Variants in DMD observed in about 807,000 individuals in gnomAD.
DMD encodes dystrophin, also known as mutant dystrophin.
In DMD, 63 loss-of-function variants were observed where a neutral mutation model predicts 330.1. That is an observed-to-expected ratio of 0.19 (90% CI 0.16 to 0.24). The LOEUF (loss-of-function observed/expected upper bound fraction) is 0.24, where lower values mean the gene tolerates loss of function less well. Among genes scored for constraint, DMD ranks in the 10% least tolerant of loss-of-function variants. The pLI is 1.00. For synonymous variants in DMD, 1,223 were observed against 959.8 expected, an observed-to-expected ratio of 1.27 and a Z score of -5.07; for missense variants, 3,344 against 2,684.1, an observed-to-expected ratio of 1.25 and a Z score of -5.43.
intron 1 of DMD, among the ~76,000 whole-genome samples, chrX:33,168,709 C>T (rs867342595): frequency 1.7e-4 from 19 of 110,101 alleles, no homozygotes; most frequent in Middle Eastern, 4.7e-3. Flanking sequence ...CAATGTAGTA[C>T]TCTGAGATCA....
At chrX:33,308,722 C>T (rs2053801612) in intron 1 of DMD, among the ~76,000 whole-genome samples, 1 of 111,200 alleles carries the variant, frequency 9.0e-6, no homozygotes, top group South Asian at 3.8e-4. Flanking sequence ...TAAAATTACT[C>T]CATTGAATGC....
At chrX:33,217,125 C>T (rs1297964353) in intron 1 of DMD, among the ~76,000 whole-genome samples, 1 of 110,817 alleles carries the variant, frequency 9.0e-6, no homozygotes. Context: ...TTCCTTTTTC[C>T]ACAGTGATCC....
At chrX:33,236,350 A>G (rs768772922) in intron 1 of DMD, among the ~76,000 whole-genome samples, 56 of 104,415 alleles carry the variant, frequency 5.4e-4, no homozygotes, top group African/African-American at 1.8e-3. Flanking sequence ...CTGCAACCTC[A>G]GCCTTCCAGG....
At chrX:32,052,524 T>A (rs1406501836) in intron 44 of DMD, among the ~76,000 whole-genome samples, 1 of 111,263 alleles carries the variant, frequency 9.0e-6, no homozygotes, top group Non-Finnish European at 1.9e-5. Context: ...TCTCATTGTA[T>A]GTTCAGAATA....
chrX:33,010,611 G>T (rs2093684098), intron 2 of DMD, among the ~76,000 whole-genome samples: 2 of 110,885 alleles, frequency 1.8e-5, no homozygotes, highest in African/African-American at 3.3e-5. Flanking sequence ...CAAACGTTTT[G>T]GACGAAGAAT....
At chrX:31,427,751 G>T (rs967861219) in intron 60 of DMD, among the ~76,000 whole-genome samples, 3 of 111,313 alleles carry the variant, frequency 2.7e-5, no homozygotes, top group Non-Finnish European at 5.6e-5. Context: ...GGTGGGATGG[G>T]CAATGTATCT....
intron 45 of DMD, among the ~76,000 whole-genome samples, chrX:31,944,813 A>C (rs1405756054): frequency 9.0e-6 from 1 of 110,859 alleles, no homozygotes; most frequent in African/African-American, 3.3e-5. Flanking sequence ...TGGCCAAGAT[A>C]ATTTTTTTTG....
chrX:31,169,020 G>A (rs1301759760), intron 74 of DMD, among the ~76,000 whole-genome samples: 1 of 111,470 alleles, frequency 9.0e-6, no homozygotes, highest in Non-Finnish European at 1.9e-5. Flanking sequence ...TGAAACAATT[G>A]GTTTCCCAAT....
At chrX:32,200,016 G>A (rs1437309332) in intron 44 of DMD, among the ~76,000 whole-genome samples, 1 of 110,611 alleles carries the variant, frequency 9.0e-6, no homozygotes, top group Non-Finnish European at 1.9e-5. Context: ...AGATTATATT[G>A]TTACTTTTGA....
At chrX:33,203,028 C>A (rs938601172) in intron 1 of DMD, among the ~76,000 whole-genome samples, 3 of 111,571 alleles carry the variant, frequency 2.7e-5, no homozygotes, top group African/African-American at 9.8e-5. Context: ...TACTCAAATG[C>A]CTTCTATCTC....
rs147328073 is a variant in DMD at position 31,144,095 on chromosome X, C to T, written c.10921+2196G>A. Among the ~76,000 whole-genome samples the T allele has an allele frequency of 4.5e-3, 505 of 111,595 alleles. 3 individuals carry two copies. The highest frequency in any genetic ancestry group is 7.4e-3 in the Non-Finnish European group (392 of 53,021). ...ACCTCAAACATATCCTTTTCCTTCTCAAAAAAATCAAAACCTGGCTTTCCT... is the reference window on the plus strand; with the variant it reads ...ACCTCAAACATATCCTTTTCCTTCTTAAAAAAATCAAAACCTGGCTTTCCT... On this transcript the variant is annotated intron_variant, in intron 76 of 78. Coordinates refer to ENST00000357033, the MANE Select transcript of DMD (RefSeq NM_004006.3).
At chrX:32,260,574 T>A (rs1362677255) in intron 43 of DMD, among the ~76,000 whole-genome samples, 1 of 111,659 alleles carries the variant, frequency 9.0e-6, no homozygotes, top group Non-Finnish European at 1.9e-5. Context: ...TTTAGAAATT[T>A]GAATCTAGAA....
chrX:31,408,961 G>A (rs1361178921), intron 60 of DMD, among the ~76,000 whole-genome samples: 3 of 110,226 alleles, frequency 2.7e-5, no homozygotes, highest in Non-Finnish European at 5.7e-5. Flanking sequence ...ACATTCCCCG[G>A]TGTGTGATGT....
chrX:32,643,103 G>A (rs982294884), intron 11 of DMD, among the ~76,000 whole-genome samples: 3 of 110,877 alleles, frequency 2.7e-5, no homozygotes, highest in South Asian at 7.7e-4. Flanking sequence ...CACATCTAGG[G>A]GTAGTGACAA....
intron 43 of DMD, among the ~76,000 whole-genome samples, chrX:32,229,681 CATATATATATAT>C (rs55916475): frequency 0.014 from 346 of 24,337 alleles, 3 homozygotes; most frequent in Admixed American, 0.03. Context: ...AGAGTTTCAT[CATATATATATAT>C]ATATATATAT....
intron 43 of DMD, among the ~76,000 whole-genome samples, chrX:32,221,348 G>A (rs1054268625): frequency 1.2e-4 from 2 of 16,746 alleles, no homozygotes; most frequent in South Asian, 2.4e-3. Flanking sequence ...AACTGTATGT[G>A]CGAATAAATA....
chrX:31,164,693 G>A (rs183311055), intron 74 of DMD, among the ~76,000 whole-genome samples: 12 of 110,715 alleles, frequency 1.1e-4, no homozygotes, highest in African/African-American at 3.6e-4. Context: ...TTCCAGCATC[G>A]CTCTTTTCAA....
In DMD at chrX:32,844,839, T is replaced by C. The variant is rs2080510348; in HGVS notation, c.208A>G (p.Arg70Gly). Residue 70 changes from arginine (R) to glycine (G), a missense_variant, in exon 4 of 79, where the codon AGA becomes GGA. Arg to Gly is a moderately radical substitution (Grantham distance 125, BLOSUM62 -2). Coordinates refer to ENST00000357033, the MANE Select transcript of DMD (RefSeq NM_004006.3). ...TTGACATTGTTCAGGGCATGAACTC[T>C]TGTGGATCCTTTTTCTTTTGGCTGA... ...QKLPKEKGST[R>G]VHALNNVNKA... 1 of 1,209,811 alleles carries C rather than the reference T, an allele frequency of 8.3e-7. No individual in the cohort carries two copies.
intron 41 of DMD, among the ~76,000 whole-genome samples, chrX:32,334,461 C>G (rs2097695611): frequency 9.0e-6 from 1 of 111,654 alleles, no homozygotes; most frequent in South Asian, 3.7e-4. Context: ...TATATTTCCC[C>G]TAATTTTATT....
Sources: allele counts gnomAD v4.1 joint callset (sites outside exome capture counted in the v4.1 genomes callset), GRCh38; gene constraint gnomAD v4.1.1; transcripts MANE v1.5; gene names NCBI Gene and HGNC (gene_info 2026-07-23, HGNC 2026-07-21).